The following WDFY4 variants were observed in gnomAD, a reference collection of about 807,000 sequenced individuals.
The protein encoded by WDFY4 is WDFY family member 4.
In WDFY4, 169 loss-of-function variants were observed where a neutral mutation model predicts 351.9. The observed-to-expected ratio is 0.48, with a 90% CI of 0.42 to 0.55. The LOEUF (loss-of-function observed/expected upper bound fraction) is 0.55, where lower values mean the gene tolerates loss of function less well. Ranked by LOEUF, WDFY4 falls within the 20% of genes least tolerant of loss-of-function variation. The pLI is 0.00. For missense variants in WDFY4, 3,803 were observed against 3,935.6 expected (o/e 0.97, Z 0.90); for synonymous variants, 1,622 against 1,574.6 (o/e 1.03, Z -0.71).
At chr10:48,928,353 CGTGTGTGTGTGT>C (rs3081490) in intron 47 of WDFY4, among the ~76,000 whole-genome samples, 17 of 125,046 alleles carry the variant, frequency 1.4e-4, no homozygotes, top group South Asian at 6.4e-4. Context: ...TTGGTTTTGA[CGTGTGTGTGTGT>C]GTGTGTGTGT....
At chr10:48,892,797 C>T (rs1361497748) in intron 44 of WDFY4, among the ~76,000 whole-genome samples, 2 of 152,196 alleles carry the variant, frequency 1.3e-5, no homozygotes, top group Admixed American at 6.5e-5. Context: ...AAATCAGACT[C>T]AAGAACATTA....
In WDFY4 at chr10:48,976,798, G is replaced by C; in HGVS notation, c.9110G>C (p.Gly3037Ala). The C allele has an allele frequency of 6.9e-7, 1 of 1,443,296 alleles. No individual in the cohort carries two copies. The highest frequency in any genetic ancestry group is 1.4e-5 in the African/African-American group (1 of 69,700). 89.4% of individuals were successfully genotyped at this position (1,443,296 alleles called of 1,614,324 possible). Residue 3037 changes from glycine to alanine, a missense_variant and splice_region_variant, in exon 59 of 62, where the codon GGC (glycine) becomes GCC (alanine). Transcript: ENST00000325239. The part of the protein sequence containing the change: ...ISAITISDVS[G>A]TIVSCAGAHL... ...GTGATGCCAGCTCTCACTGCACAGG[G>C]CACCATTGTCTCCTGTGCGGGAGCA...
At chr10:48,887,836 T>A (rs984620544) in intron 43 of WDFY4, among the ~76,000 whole-genome samples, 1 of 152,018 alleles carries the variant, frequency 6.6e-6, no homozygotes, top group Non-Finnish European at 1.5e-5. Context: ...ATGACTTATC[T>A]GCAAGGATGG....
intron 20 of WDFY4, among the ~76,000 whole-genome samples, chr10:48,788,288 C>T (rs1201971988): frequency 6.6e-6 from 1 of 152,124 alleles, no homozygotes; most frequent in African/African-American, 2.4e-5. Flanking sequence ...CTTGGCCTCC[C>T]AAAGTGCTGG....
chr10:48,715,718 C>T (rs1427997351), intron 2 of WDFY4, among the ~76,000 whole-genome samples: 1 of 152,112 alleles, frequency 6.6e-6, no homozygotes, highest in Admixed American at 6.5e-5. Flanking sequence ...CTCCGCCTCC[C>T]AGATTCATGC....
chr10:48,921,158 T>A (rs1839038973), intron 47 of WDFY4, among the ~76,000 whole-genome samples: 1 of 152,144 alleles, frequency 6.6e-6, no homozygotes, highest in African/African-American at 2.4e-5. Flanking sequence ...AAACTAGGAA[T>A]GGAAAATAAT....
intron 1 of WDFY4, among the ~76,000 whole-genome samples, chr10:48,706,676 G>A (rs2063638481): frequency 6.6e-6 from 1 of 152,124 alleles, no homozygotes. Context: ...TGGATCAAGA[G>A]GCTGGAAAAT....
At chr10:48,719,688 T>G (rs1456757114) in intron 2 of WDFY4, among the ~76,000 whole-genome samples, 1 of 152,146 alleles carries the variant, frequency 6.6e-6, no homozygotes, top group Non-Finnish European at 1.5e-5. Flanking sequence ...GGTGCTCCTA[T>G]GGGGGCAGCA....
At chr10:48,940,157 C>CTCTG (rs1403859913) in intron 47 of WDFY4, among the ~76,000 whole-genome samples, 1 of 152,260 alleles carries the variant, frequency 6.6e-6, no homozygotes, top group Non-Finnish European at 1.5e-5. Flanking sequence ...CCAGCCTGGG[C>CTCTG]TCTGCCCTTG....
chr10:48,912,944 C>T (rs761554790), intron 47 of WDFY4, among the ~76,000 whole-genome samples: 1 of 152,256 alleles, frequency 6.6e-6, no homozygotes, highest in Non-Finnish European at 1.5e-5. Context: ...TACTTTCTTA[C>T]AAACTCATGC....
intron 53 of WDFY4, among the ~76,000 whole-genome samples, chr10:48,962,123 C>T (rs779085300): frequency 7.2e-5 from 11 of 152,210 alleles, no homozygotes; most frequent in Non-Finnish European, 1.6e-4. Context: ...ATGATCTGCC[C>T]TCACCTGGGT....
chr10:48,779,986 A>C lies in WDFY4; in HGVS notation c.3443A>C (p.Gln1148Pro). Residue 1148 changes from glutamine (Q) to proline (P), a missense_variant, in exon 19 of 62, where the codon CAG becomes CCG. Coordinates refer to ENST00000325239, the MANE Select transcript of WDFY4 (RefSeq NM_001394531.1). ...GACTCCGAGCCTTCTGCAGGATGCC[A>C]GCTTCAGGTCAGGTGTGGCCAGCTC... Reference protein sequence around the residue: ...EDDSEPSAGCQLQVRCGQLLA... With the variant: ...EDDSEPSAGCPLQVRCGQLLA... The C allele has an allele frequency of 6.4e-7, 1 of 1,551,826 alleles. No homozygotes were observed. Among genetic ancestry groups the C allele is most frequent in the South Asian group, 1.2e-5 (1 of 84,068 alleles).
intron 31 of WDFY4, 82 bp downstream of exon 31, chr10:48,814,164 T>G: frequency 1.4e-6 from 2 of 1,427,266 alleles, no homozygotes; most frequent in Admixed American, 2.7e-5. Flanking sequence ...ACTTTTCTCT[T>G]AGCATCTTCC....
chr10:48,798,242 T>C (rs940650389), intron 24 of WDFY4, among the ~76,000 whole-genome samples: 17 of 152,106 alleles, frequency 1.1e-4, no homozygotes, highest in Middle Eastern at 3.4e-3. Context: ...ATCAAGAAGT[T>C]AGAATGACCA....
At chr10:48,823,858 A>C (rs2067910736) in intron 35 of WDFY4, 2 of 986,420 alleles carry the variant, frequency 2.0e-6, no homozygotes, top group East Asian at 2.3e-4. Flanking sequence ...TTTGAGACCC[A>C]TCTGAGGAGC....
intron 13 of WDFY4, among the ~76,000 whole-genome samples, chr10:48,774,101 T>C (rs562145355): frequency 2.0e-5 from 3 of 152,382 alleles, no homozygotes; most frequent in African/African-American, 7.2e-5. Flanking sequence ...TTTTCAATGC[T>C]AGCAGTTAAT....
chr10:48,915,291 T>C (rs1476182642), intron 47 of WDFY4, among the ~76,000 whole-genome samples: 1 of 152,212 alleles, frequency 6.6e-6, no homozygotes, highest in African/African-American at 2.4e-5. Flanking sequence ...AGCATTACCC[T>C]ATCATAGCGA....
chr10:48,742,895 G>A (rs1310873959), intron 11 of WDFY4, 73 bp from the exon 12 acceptor site: 2 of 1,387,316 alleles, frequency 1.4e-6, no homozygotes, highest in Non-Finnish European at 1.9e-6. Context: ...GGACGCTCTG[G>A]CAGGAATGTG....
At position 48,731,322 on chromosome 10, in the gene WDFY4, T is replaced by C; in HGVS notation, c.1342T>C (p.Phe448Leu). 6.4e-7 allele frequency: 1 copy of C among 1,551,832 alleles called. No individual in the cohort carries two copies. The highest frequency in any genetic ancestry group is 1.4e-5 in the African/African-American group (1 of 73,180). The stretch of plus-strand genomic sequence containing the variant: ...GAAGCCGGCCCCAGTGCAGGAACAC[T>C]TCTTCCAGCTTCTAGAGGCCCTGGT... The part of the protein sequence containing the change: ...PLKPAPVQEH[F>L]FQLLEALVFE... The change falls in exon 9 of 62, where the codon TTC (phenylalanine) becomes CTC (leucine). Residue 448 changes from phenylalanine to leucine, a missense_variant. Phe to Leu is a conservative substitution (Grantham distance 22). Transcript: ENST00000325239.
Sources: allele counts gnomAD v4.1 joint callset (sites outside exome capture counted in the v4.1 genomes callset), GRCh38; gene constraint gnomAD v4.1.1; transcripts MANE v1.5; gene names NCBI Gene and HGNC (gene_info 2026-07-23, HGNC 2026-07-21).